SCN8A: variants seen among roughly 807,000 people sequenced by gnomAD.
The protein encoded by SCN8A is sodium voltage-gated channel alpha subunit 8, also known as sodium channel protein type 8 subunit alpha.
In SCN8A, 30 loss-of-function variants were observed where a neutral mutation model predicts 184.1. The ratio of observed to expected loss-of-function variants is 0.16; its 90% CI spans 0.12 to 0.22. The LOEUF is 0.22. Among genes scored for constraint, SCN8A ranks in the 10% least tolerant of loss-of-function variants. SCN8A has a pLI of 1.00. For synonymous variants in SCN8A, 852 were observed against 907.0 expected (o/e 0.94, Z 1.09); for missense variants, 1,057 against 2,498.9 (o/e 0.42, Z 12.30).
At chr12:51,624,603 G>T (rs1767051014) in intron 1 of SCN8A, among the ~76,000 whole-genome samples, 1 of 152,014 alleles carries the variant, frequency 6.6e-6, no homozygotes, top group Non-Finnish European at 1.5e-5. Flanking sequence ...CTGTGCAGAA[G>T]CTCTTTAGTT....
chr12:51,790,135 C>T (rs1476255060), intron 24 of SCN8A, among the ~76,000 whole-genome samples: 2 of 152,184 alleles, frequency 1.3e-5, no homozygotes, highest in African/African-American at 4.8e-5. Flanking sequence ...TCAAGTTTAC[C>T]CTTTCTGAGG....
At chr12:51,628,978 C>CT (rs1940138898) in intron 1 of SCN8A, among the ~76,000 whole-genome samples, 1 of 152,142 alleles carries the variant, frequency 6.6e-6, no homozygotes, top group South Asian at 2.1e-4. Context: ...TTCTGAAAGT[C>CT]TGTCTGGTGT....
At chr12:51,732,036 T>G (rs189721962) in intron 12 of SCN8A, among the ~76,000 whole-genome samples, 1 of 152,336 alleles carries the variant, frequency 6.6e-6, no homozygotes, top group African/African-American at 2.4e-5. Flanking sequence ...TTCACTTTGT[T>G]GATTGTTTCC....
intron 1 of SCN8A, among the ~76,000 whole-genome samples, chr12:51,638,434 C>A (rs577100287): frequency 6.6e-6 from 1 of 151,680 alleles, no homozygotes; most frequent in Admixed American, 6.6e-5. Context: ...TATCTGTCAT[C>A]TGTGAGAGGA....
chr12:51,747,324 C>G (rs1261570293), intron 13 of SCN8A, among the ~76,000 whole-genome samples: 1 of 152,124 alleles, frequency 6.6e-6, no homozygotes. Flanking sequence ...TAATTACCAT[C>G]GGGGTTATTG....
intron 6 of SCN8A, among the ~76,000 whole-genome samples, chr12:51,694,366 C>T (rs1051543255): frequency 2.0e-5 from 3 of 152,176 alleles, no homozygotes; most frequent in Non-Finnish European, 2.9e-5. Context: ...CATTGTGAAA[C>T]GTGACAGGAG....
At chr12:51,599,805 A>T (rs765081568) in intron 1 of SCN8A, among the ~76,000 whole-genome samples, 2 of 152,166 alleles carry the variant, frequency 1.3e-5, no homozygotes, top group Non-Finnish European at 2.9e-5. Context: ...ATAACTTTGT[A>T]TATGTGTGTT....
At chr12:51,628,681 AC>A (rs1201443198) in intron 1 of SCN8A, among the ~76,000 whole-genome samples, 1 of 152,182 alleles carries the variant, frequency 6.6e-6, no homozygotes, top group Non-Finnish European at 1.5e-5. Context: ...ATTGGTGTCA[AC>A]AGGCTGGTGT....
At chr12:51,592,221 G>A (rs1939241354) in intron 1 of SCN8A, among the ~76,000 whole-genome samples, 1 of 151,770 alleles carries the variant, frequency 6.6e-6, no homozygotes, top group South Asian at 2.1e-4. Flanking sequence ...TTCTCACTTG[G>A]TACCTTGGGG....
At position 51,770,534 on chromosome 12, in the gene SCN8A, G is replaced by A. The variant is rs376406345; in HGVS notation, c.3496G>A (p.Val1166Ile). ...DPDACFTEGCVQRFKCCQVNI... is the reference protein window; with the variant it reads ...DPDACFTEGCIQRFKCCQVNI... ...GCCTCTCCCGCTGGTGCCAGGTTGTGTCCAGCGGTTCAAGTGCTGCCAGGT... is the reference window on the plus strand; with the variant it reads ...GCCTCTCCCGCTGGTGCCAGGTTGTATCCAGCGGTTCAAGTGCTGCCAGGT... Residue 1166 changes from valine (V) to isoleucine (I), a missense_variant, in exon 19 of 27, where the codon GTC (valine) becomes ATC (isoleucine). Coordinates refer to ENST00000627620, the MANE Select transcript of SCN8A (RefSeq NM_001330260.2). 2 of 1,603,014 alleles carry A rather than the reference G, an allele frequency of 1.2e-6. No individual in the cohort carries two copies. The highest frequency in any genetic ancestry group is 2.7e-5 in the African/African-American group (2 of 74,820).
chr12:51,695,721 A>G (rs1226099791), intron 6 of SCN8A, among the ~76,000 whole-genome samples: 2 of 151,858 alleles, frequency 1.3e-5, no homozygotes, highest in East Asian at 3.8e-4. Flanking sequence ...ATGACAGAAT[A>G]TGGCTACCAC....
chr12:51,616,893 T>C (rs966012263), intron 1 of SCN8A, among the ~76,000 whole-genome samples: 1 of 151,688 alleles, frequency 6.6e-6, no homozygotes, highest in Non-Finnish European at 1.5e-5. Flanking sequence ...CACTCCAGCC[T>C]GAGTGACAGA....
intron 1 of SCN8A, among the ~76,000 whole-genome samples, chr12:51,612,861 A>G (rs748204255): frequency 3.3e-5 from 5 of 152,142 alleles, no homozygotes; most frequent in African/African-American, 7.2e-5. Context: ...AGCTGGGATT[A>G]CAGGCACCCA....
rs997893105 is a variant in SCN8A, at chr12:51,712,579, T to C, written c.1635+5864T>C. The C allele has an allele frequency of 3.3e-5, 26 of 777,714 alleles. No homozygotes were observed. The African/African-American group carries it at 4.2e-4, about 13-fold the overall frequency. 48.2% of individuals were successfully genotyped at this position (777,714 alleles called of 1,614,324 possible). A position where few individuals can be genotyped will look rare whatever the true frequency, so the allele number is the denominator to read the frequency against. On this transcript the variant is annotated intron_variant, in intron 11 of 26. Coordinates refer to ENST00000627620, the MANE Select transcript of SCN8A (RefSeq NM_001330260.2). The stretch of plus-strand genomic sequence containing the variant: ...CCCCTTTCATGGGTCCATAATTTGA[T>C]TGCTGTTGTCCACTATAATTTCTAA...
intron 1 of SCN8A, among the ~76,000 whole-genome samples, chr12:51,644,089 C>T (rs1940511399): frequency 6.6e-6 from 1 of 152,192 alleles, no homozygotes; most frequent in African/African-American, 2.4e-5. Flanking sequence ...TGATTTAAGC[C>T]TCTATGTTTT....
intron 1 of SCN8A, among the ~76,000 whole-genome samples, chr12:51,597,489 T>A (rs1472761708): frequency 6.6e-6 from 1 of 152,214 alleles, no homozygotes; most frequent in African/African-American, 2.4e-5. Context: ...TACAGTTATT[T>A]ATTTTTCTCC....
rs555191009 is a variant in SCN8A, at chr12:51,617,842, A to G, written c.-55+26483A>G. On this transcript the variant is annotated intron_variant, in intron 1 of 26. Transcript: ENST00000627620. Reference sequence around the variant, plus strand: ...CAGTTTTCAAAGTATTTGCCATTCTATTTCTGTTTATTCCAGGTATGTCCC... The same window carrying G: ...CAGTTTTCAAAGTATTTGCCATTCTGTTTCTGTTTATTCCAGGTATGTCCC... Among the ~76,000 whole-genome samples the G allele has an allele frequency of 2.0e-5, 3 of 152,160 alleles. No homozygotes were observed. In the South Asian group the frequency reaches 6.2e-4, roughly 32 times the overall value.
intron 19 of SCN8A, among the ~76,000 whole-genome samples, chr12:51,771,811 G>A (rs1942929249): frequency 6.6e-6 from 1 of 152,204 alleles, no homozygotes; most frequent in African/African-American, 2.4e-5. Context: ...CATGGTCTCT[G>A]CCCTTAAGAA....
intron 1 of SCN8A, among the ~76,000 whole-genome samples, chr12:51,612,285 C>T (rs927998790): frequency 5.3e-5 from 8 of 152,304 alleles, no homozygotes; most frequent in East Asian, 1.9e-4. Context: ...CCTCAGCCTT[C>T]GAAGTAGCTG....
Sources: allele counts gnomAD v4.1 joint callset (sites outside exome capture counted in the v4.1 genomes callset), GRCh38; gene constraint gnomAD v4.1.1; transcripts MANE v1.5; gene names NCBI Gene and HGNC (gene_info 2026-07-23, HGNC 2026-07-21).